Variants in PIP5K1B observed in about 807,000 individuals in gnomAD.
PIP5K1B encodes phosphatidylinositol-4-phosphate 5-kinase type 1 beta.
In PIP5K1B, 42 loss-of-function variants were observed where a neutral mutation model predicts 67.0. The ratio of observed to expected loss-of-function variants is 0.63; its 90% confidence interval spans 0.49 to 0.81. The LOEUF (loss-of-function observed/expected upper bound fraction) is 0.81. Among genes scored for constraint, PIP5K1B ranks in the 30% least tolerant of loss-of-function variants. The pLI is 0.00. For missense variants in PIP5K1B, 459 were observed against 646.3 expected (o/e 0.71, Z 3.14); for synonymous variants, 214 against 231.4 (o/e 0.92, Z 0.68).
At chr9:68,808,593 G>A (rs1433394837) in intron 2 of PIP5K1B, among the ~76,000 whole-genome samples, 1 of 152,202 alleles carries the variant, frequency 6.6e-6, no homozygotes, top group Admixed American at 6.5e-5. Flanking sequence ...TCTGTCTAAT[G>A]TTTGCAATGA....
rs1300655867 is a variant in PIP5K1B, at chr9:68,925,944, T to C, written c.1201+2558T>C. 3.3e-5 allele frequency among the ~76,000 whole-genome samples: 5 copies of C among 151,736 alleles called. No homozygotes were observed. The East Asian group carries it at 7.8e-4, about 24-fold the overall frequency. The stretch of plus-strand genomic sequence containing the variant: ...TCCTGAGTAGCTGGGATTACAAGCA[T>C]GCATCACCACACCCAGCTGGTTTTT... On this transcript the variant is annotated intron_variant, in intron 12 of 15. Coordinates refer to ENST00000265382, the MANE Select transcript of PIP5K1B (RefSeq NM_003558.4).
intron 8 of PIP5K1B, among the ~76,000 whole-genome samples, chr9:68,903,548 T>G (rs879675179): frequency 2.6e-5 from 4 of 152,196 alleles, no homozygotes; most frequent in Non-Finnish European, 4.4e-5. Context: ...ACCACAACTG[T>G]TCAGTAGTCT....
At chr9:68,917,170 T>C (rs1826144499) in intron 8 of PIP5K1B, among the ~76,000 whole-genome samples, 1 of 152,204 alleles carries the variant, frequency 6.6e-6, no homozygotes, top group Non-Finnish European at 1.5e-5. Flanking sequence ...GCCTCCAGTT[T>C]TTCATCTGTA....
At chr9:68,751,220 T>C (rs1407083228) in intron 2 of PIP5K1B, among the ~76,000 whole-genome samples, 1 of 152,246 alleles carries the variant, frequency 6.6e-6, no homozygotes, top group East Asian at 1.9e-4. Context: ...CACGTAGACC[T>C]GTGTCAAGAG....
chr9:69,005,825 G>T (rs960886726), intron 15 of PIP5K1B, among the ~76,000 whole-genome samples: 1 of 152,040 alleles, frequency 6.6e-6, no homozygotes, highest in African/African-American at 2.4e-5. Flanking sequence ...AGCTCTCCTG[G>T]GGCTGATCCC....
At chr9:68,818,581 G>T (rs1383164387) in intron 3 of PIP5K1B, 36 bp downstream of exon 3, 1 of 152,466 alleles carries the variant, frequency 6.6e-6, no homozygotes, top group African/African-American at 2.4e-5. Context: ...AATTAATTCT[G>T]ATCAAATCAG....
At chr9:68,947,984 G>A (rs1587706278) in intron 14 of PIP5K1B, among the ~76,000 whole-genome samples, 1 of 152,138 alleles carries the variant, frequency 6.6e-6, no homozygotes, top group Admixed American at 6.5e-5. Flanking sequence ...CATCACCCAT[G>A]CCCTTACAAA....
At chr9:68,892,245 A>C (rs1283014655) in intron 7 of PIP5K1B, among the ~76,000 whole-genome samples, 3 of 152,228 alleles carry the variant, frequency 2.0e-5, no homozygotes, top group African/African-American at 4.8e-5. Context: ...ATTTCTTTGA[A>C]AGTGAGAGCA....
At chr9:68,789,684 T>G (rs539736571) in intron 2 of PIP5K1B, 1 of 281,636 alleles carries the variant, frequency 3.6e-6, no homozygotes, top group South Asian at 3.6e-5. Flanking sequence ...AGACTGTGAT[T>G]GTCAGGTGAG....
chr9:68,787,848 G>T (rs909512888), intron 2 of PIP5K1B, among the ~76,000 whole-genome samples: 1 of 152,072 alleles, frequency 6.6e-6, no homozygotes, highest in Non-Finnish European at 1.5e-5. Context: ...GGCCAGGCTG[G>T]TCTCAATCTC....
At chr9:68,916,158 T>C (rs1826082830) in intron 8 of PIP5K1B, among the ~76,000 whole-genome samples, 1 of 152,252 alleles carries the variant, frequency 6.6e-6, no homozygotes, top group Non-Finnish European at 1.5e-5. Flanking sequence ...ACAGCCGTTC[T>C]GACAACCAGG....
chr9:68,732,498 A>G (rs1233040831), intron 1 of PIP5K1B, among the ~76,000 whole-genome samples: 1 of 152,194 alleles, frequency 6.6e-6, no homozygotes, highest in Non-Finnish European at 1.5e-5. Context: ...GGGATCAACC[A>G]CAGCATGTTT....
chr9:68,853,428 G>A (rs1822594633), intron 4 of PIP5K1B, among the ~76,000 whole-genome samples: 1 of 152,200 alleles, frequency 6.6e-6, no homozygotes, highest in Non-Finnish European at 1.5e-5. Context: ...GGAGAGGCTT[G>A]GGAGAGGGTC....
At chr9:68,751,213 G>A (rs532132981) in intron 2 of PIP5K1B, among the ~76,000 whole-genome samples, 5 of 152,338 alleles carry the variant, frequency 3.3e-5, no homozygotes, top group Admixed American at 6.5e-5. Context: ...TAGAAAGCAC[G>A]TAGACCTGTG....
intron 2 of PIP5K1B, among the ~76,000 whole-genome samples, chr9:68,747,147 T>G (rs1032416513): frequency 2.6e-5 from 4 of 151,342 alleles, no homozygotes; most frequent in Non-Finnish European, 5.9e-5. Context: ...CATTCCTCCC[T>G]TAACAAGTTT....
At chr9:68,884,883 T>G (rs1398915788) in intron 6 of PIP5K1B, among the ~76,000 whole-genome samples, 3 of 152,172 alleles carry the variant, frequency 2.0e-5, no homozygotes, top group Admixed American at 6.5e-5. Context: ...ATACAACCAT[T>G]TTGGAAAACA....
At chr9:68,860,090 T>A (rs1353605464) in intron 4 of PIP5K1B, among the ~76,000 whole-genome samples, 1 of 152,188 alleles carries the variant, frequency 6.6e-6, no homozygotes, top group East Asian at 1.9e-4. Flanking sequence ...ATTTTTAACA[T>A]ACGATCATTG....
intron 1 of PIP5K1B, among the ~76,000 whole-genome samples, chr9:68,739,141 T>G (rs1169113991): frequency 6.6e-6 from 1 of 152,262 alleles, no homozygotes; most frequent in Non-Finnish European, 1.5e-5. Flanking sequence ...TATGACCATT[T>G]AATTTTGAAT....
intron 14 of PIP5K1B, among the ~76,000 whole-genome samples, chr9:68,953,132 A>G (rs1472980432): frequency 6.6e-6 from 1 of 151,008 alleles, no homozygotes; most frequent in African/African-American, 2.4e-5. Flanking sequence ...TTGTCTTCCA[A>G]TTTTCTCTAC....
Sources: gnomAD v4.1 joint callset for allele counts (sites outside exome capture counted in the v4.1 genomes callset) on GRCh38, gnomAD v4.1.1 for gene constraint, MANE v1.5 for transcripts, NCBI Gene and HGNC (gene_info 2026-07-23, HGNC 2026-07-21) for gene names.